KPNA6: variants seen among roughly 807,000 people sequenced by gnomAD.
KPNA6 encodes karyopherin subunit alpha 6.
In KPNA6, 9 loss-of-function variants were observed where a neutral mutation model predicts 72.0. The ratio of observed to expected loss-of-function variants is 0.13; its 90% confidence interval spans 0.08 to 0.22. The LOEUF is 0.22. Among genes scored for constraint, KPNA6 ranks in the 10% least tolerant of loss-of-function variants. KPNA6 has a pLI of 1.00. For missense variants in KPNA6, 374 were observed against 655.7 expected (o/e 0.57, Z 4.69); for synonymous variants, 219 against 242.1 (o/e 0.90, Z 0.89).
Position 32,167,283 on chromosome 1 carries a change from C to T in KPNA6, c.1231C>T (p.Pro411Ser), listed in dbSNP as rs770852785. 6 of 1,614,044 alleles carry T rather than the reference C, an allele frequency of 3.7e-6. No homozygotes were observed. Among genetic ancestry groups the T allele is most frequent in the East Asian group, 2.2e-5 (1 of 44,862 alleles). ...AITNATSGGT[P>S]EQIRYLVSLG... ...CACCAATGCCACATCAGGAGGAACCCCTGAGCAGATCAGGTATTACATTCC... is the reference window on the plus strand; with the variant it reads ...CACCAATGCCACATCAGGAGGAACCTCTGAGCAGATCAGGTATTACATTCC... Residue 411 changes from proline to serine, a missense_variant, in exon 12 of 14, where the codon CCT becomes TCT. Physicochemically the swap from Pro to Ser is moderately conservative, Grantham distance 74 (BLOSUM62 -1). Transcript: ENST00000373625.
intron 1 of KPNA6, among the ~76,000 whole-genome samples, chr1:32,119,484 G>T (rs1641393364): frequency 6.6e-6 from 1 of 152,202 alleles, no homozygotes; most frequent in East Asian, 1.9e-4. Flanking sequence ...CCCACTATGT[G>T]CAAGGGACTT....
In KPNA6 at chr1:32,170,881, G is replaced by A; in HGVS notation, c.1598G>A (p.Gly533Asp). The A allele has an allele frequency of 6.2e-7, 1 of 1,614,174 alleles. No individual in the cohort carries two copies. The change falls in exon 14 of 14, where the codon GGC becomes GAC. Residue 533 changes from glycine (G) to aspartate (D), a missense_variant. Transcript: ENST00000373625. The stretch of plus-strand genomic sequence containing the variant: ...CAGCAGCCTGAGGCCCCCATGGAGG[G>A]CTTCCAGCTATAATATCTGCCTCCA... ...IFQQPEAPME[G>D]FQL
At chr1:32,134,256 C>CAA (rs34653548) in intron 1 of KPNA6, among the ~76,000 whole-genome samples, 3 of 109,558 alleles carry the variant, frequency 2.7e-5, no homozygotes, top group Non-Finnish European at 2.0e-5. Context: ...CACTTCGTCT[C>CAA]AAAAAAAAAA....
intron 6 of KPNA6, among the ~76,000 whole-genome samples, chr1:32,160,277 G>A (rs1366563852): frequency 2.0e-5 from 3 of 148,532 alleles, no homozygotes; most frequent in African/African-American, 7.5e-5. Flanking sequence ...TCCAGCCTGG[G>A]TGACAGAGCG....
intron 1 of KPNA6, among the ~76,000 whole-genome samples, chr1:32,111,161 A>G (rs1199171742): frequency 6.6e-6 from 1 of 152,164 alleles, no homozygotes; most frequent in Non-Finnish European, 1.5e-5. Flanking sequence ...TGTTGCCTCA[A>G]AGGGAAGGAA....
At chr1:32,151,306 C>T (rs1642028747) in intron 1 of KPNA6, among the ~76,000 whole-genome samples, 1 of 151,990 alleles carries the variant, frequency 6.6e-6, no homozygotes, top group Admixed American at 6.6e-5. Context: ...TCTACTATGC[C>T]CTAAGTGATC....
Position 32,119,030 on chromosome 1 carries a change from A to ATTTT in KPNA6, c.4+10897_4+10898insTTTT, listed in dbSNP as rs1402526300. Among the ~76,000 whole-genome samples the ATTTT allele has an allele frequency of 4.0e-3, 226 of 56,512 alleles. 1 individual carries two copies. Among genetic ancestry groups the ATTTT allele is most frequent in the Non-Finnish European group, 5.3e-3 (179 of 33,880 alleles). The allele number at this position is 56,512 out of a possible 152,430, so 37.1% of individuals were successfully genotyped here. A position where few individuals can be genotyped will look rare whatever the true frequency, so the allele number is the denominator to read the frequency against. On this transcript the variant is annotated intron_variant, in intron 1 of 13. Transcript: ENST00000373625. ...TATATATATATATATATATATATAT[A>ATTTT]TATTTTTTTTTTTTTTTTTGAGAGA...
intron 6 of KPNA6, among the ~76,000 whole-genome samples, chr1:32,159,830 A>G (rs977039648): frequency 1.3e-5 from 2 of 152,120 alleles, no homozygotes; most frequent in Non-Finnish European, 2.9e-5. Flanking sequence ...AACTCTATAC[A>G]TTTGTTGTTG....
intron 1 of KPNA6, chr1:32,142,911 G>C (rs1422032041): frequency 3.9e-5 from 50 of 1,276,310 alleles, no homozygotes; most frequent in Non-Finnish European, 5.0e-5. Flanking sequence ...TTGTCACCAT[G>C]GTGACTAAAG....
At chr1:32,162,994 C>T (rs1225991171) in intron 9 of KPNA6, among the ~76,000 whole-genome samples, 3 of 151,320 alleles carry the variant, frequency 2.0e-5, no homozygotes, top group Non-Finnish European at 4.4e-5. Flanking sequence ...GTCCCAGCTA[C>T]TCGGGAGGCT....
intron 4 of KPNA6, among the ~76,000 whole-genome samples, chr1:32,157,911 C>T (rs1642172441): frequency 6.6e-6 from 1 of 152,228 alleles, no homozygotes; most frequent in East Asian, 1.9e-4. Context: ...CCTCTTGTTT[C>T]AGTATATCAA....
intron 1 of KPNA6, among the ~76,000 whole-genome samples, chr1:32,108,397 A>G (rs939978196): frequency 6.6e-6 from 1 of 152,224 alleles, no homozygotes; most frequent in African/African-American, 2.4e-5. Flanking sequence ...GCAGGAGCCC[A>G]CGTGTTCCTG....
rs113127026 is a variant in KPNA6 at position 32,120,931 on chromosome 1, C to T, written c.4+12797C>T. Among the ~76,000 whole-genome samples, 33 of 149,386 alleles carry T rather than the reference C, an allele frequency of 2.2e-4. 1 individual carries two copies. The highest frequency in any genetic ancestry group is 7.7e-4 in the African/African-American group (31 of 40,486). On this transcript the variant is annotated intron_variant, in intron 1 of 13. Coordinates refer to ENST00000373625, the MANE Select transcript of KPNA6 (RefSeq NM_012316.5). ...TCACCCAGGCTGGAGAGCAGTGGCG[C>T]GATCACAGCTCACTGCAACCTTTAT... is the stretch of plus-strand genomic sequence containing the variant.
intron 1 of KPNA6, among the ~76,000 whole-genome samples, chr1:32,109,398 CT>C (rs929104626): frequency 6.6e-6 from 1 of 152,138 alleles, no homozygotes; most frequent in Admixed American, 6.6e-5. Context: ...TCTCGAACCC[CT>C]GACCTCAAGT....
At chr1:32,123,743 A>C (rs1641479974) in intron 1 of KPNA6, among the ~76,000 whole-genome samples, 1 of 150,558 alleles carries the variant, frequency 6.6e-6, no homozygotes, top group South Asian at 2.1e-4. Context: ...CTGTCTTAAA[A>C]AAAAAAAAAA....
chr1:32,149,529 A>G (rs895147696), intron 1 of KPNA6, among the ~76,000 whole-genome samples: 9 of 152,100 alleles, frequency 5.9e-5, no homozygotes, highest in Admixed American at 3.3e-4. Context: ...CGCAGCTAGG[A>G]ATGGTTTCTA....
intron 1 of KPNA6, among the ~76,000 whole-genome samples, chr1:32,116,100 T>C (rs1329590042): frequency 1.3e-5 from 2 of 152,132 alleles, no homozygotes; most frequent in African/African-American, 4.8e-5. Context: ...GGCTTTGGTT[T>C]AAGGCAGTAT....
rs1642467554 is a variant in KPNA6, at chr1:32,173,152, A to C, written c.*2258A>C. 1 of 394,196 alleles carries C rather than the reference A, an allele frequency of 2.5e-6. No homozygotes were observed. Among genetic ancestry groups the C allele is most frequent in the Non-Finnish European group, 4.4e-6 (1 of 225,644 alleles). 24.4% of individuals were successfully genotyped at this position (394,196 alleles called of 1,614,324 possible). On this transcript the variant is annotated 3_prime_UTR_variant, in exon 14 of 14. Transcript: ENST00000373625. ...TTCACTTGGCCTGCTACCTCCATTA[A>C]AAAACCATTCTCTTACAGTTTAAAA...
intron 1 of KPNA6, among the ~76,000 whole-genome samples, chr1:32,111,932 A>C (rs553641709): frequency 1.2e-4 from 19 of 152,172 alleles, no homozygotes; most frequent in Non-Finnish European, 1.9e-4. Flanking sequence ...GGCAGACACT[A>C]CTTGTCTTTT....
Sources: allele counts gnomAD v4.1 joint callset (sites outside exome capture counted in the v4.1 genomes callset), GRCh38; gene constraint gnomAD v4.1.1; transcripts MANE v1.5; gene names NCBI Gene and HGNC (gene_info 2026-07-23, HGNC 2026-07-21).